The following FH variants were observed in gnomAD, a reference collection of about 807,000 sequenced individuals.
The protein encoded by FH is fumarate hydratase, mitochondrial.
Under a neutral mutation model 49.4 loss-of-function variants are expected in FH, and 22 were observed. That is an observed-to-expected ratio of 0.45 (90% CI 0.32 to 0.64). The LOEUF (loss-of-function observed/expected upper bound fraction) is 0.64, where lower values mean the gene tolerates loss of function less well. Ranked by LOEUF, FH falls within the 30% of genes least tolerant of loss-of-function variation. The pLI is 0.05. For synonymous variants in FH, 208 were observed against 223.0 expected, an observed-to-expected ratio of 0.93 and a Z score of 0.60; for missense variants, 526 against 641.5, an observed-to-expected ratio of 0.82 and a Z score of 1.95.
chr1:241,517,425 A>T (rs1270723856), intron 1 of FH, 109 bp from the exon 2 acceptor site: 2 of 1,203,738 alleles, frequency 1.7e-6, no homozygotes, highest in Non-Finnish European at 2.4e-6. Context: ...AGTATCACAA[A>T]GACAAAAAAA....
At chr1:241,517,344 A>G in intron 1 of FH, 28 bp from the exon 2 acceptor site, 2 of 1,613,234 alleles carry the variant, frequency 1.2e-6, no homozygotes, top group Non-Finnish European at 1.7e-6. Context: ...ACACTATTAC[A>G]AGTTGAAAAG....
intron 7 of FH, among the ~76,000 whole-genome samples, 172 bp from the exon 8 acceptor site, chr1:241,502,742 A>G (rs1287731238): frequency 6.6e-6 from 1 of 152,256 alleles, no homozygotes; most frequent in African/African-American, 2.4e-5. Flanking sequence ...GGTAGCCACA[A>G]AATGAATCAT....
chr1:241,517,230 C>T lies in FH; in HGVS notation c.219G>A (p.Val73=), dbSNP rs1213056420. ...CAATCTTAAAGTTCATCGTAGATCT[C>T]ACGGTCTGGGCGCCATAATACTTAT... is the stretch of plus-strand genomic sequence containing the variant. ...PNDKYYGAQT[V]RSTMNFKIGG... The change falls in exon 2 of 10, where the codon GTG becomes GTA. Residue 73 remains valine, a synonymous_variant. Coordinates refer to ENST00000366560, the MANE Select transcript of FH (RefSeq NM_000143.4). 3.7e-6 allele frequency: 6 copies of T among 1,614,030 alleles called. No homozygotes were observed. In the East Asian group the frequency reaches 6.7e-5, roughly 18 times the overall value.
chr1:241,519,310 G>C, intron 1 of FH: 2 of 391,122 alleles, frequency 5.1e-6, no homozygotes, highest in Non-Finnish European at 9.1e-6. Context: ...GGCCCGCCAC[G>C]GACGGCTCCG....
chr1:241,513,542 C>T (rs1053605222), intron 3 of FH, 61 bp downstream of exon 3: 6 of 1,200,542 alleles, frequency 5.0e-6, no homozygotes, highest in African/African-American at 1.5e-5. Flanking sequence ...CAGAGCATAT[C>T]GTCATCCAGA....
rs10926500 is a variant in FH at position 241,513,458 on chromosome 1, C to T, written c.378+145G>A. Reference sequence around the variant, plus strand: ...CGTTTTAAGCACCATATTAATATCACCACTAAAAATAATGCTACCACCCTC... The same window carrying T: ...CGTTTTAAGCACCATATTAATATCATCACTAAAAATAATGCTACCACCCTC... On this transcript the variant is annotated intron_variant, in intron 3 of 9. Transcript: ENST00000366560. 0.38 allele frequency: 279,274 copies of T among 728,538 alleles called. 54,135 individuals are homozygous for T. The highest frequency in any genetic ancestry group is 0.43 in the African/African-American group (25,057 of 57,696). 45.1% of individuals were successfully genotyped at this position (728,538 alleles called of 1,614,324 possible).
intron 8 of FH, among the ~76,000 whole-genome samples, chr1:241,502,025 T>A (rs1420784308): frequency 6.6e-6 from 1 of 152,200 alleles, no homozygotes; most frequent in African/African-American, 2.4e-5. Context: ...AAGAACTAAC[T>A]GCGCAATGCC....
chr1:241,511,835 A>T, intron 4 of FH, 132 bp downstream of exon 4: 1 of 851,558 alleles, frequency 1.2e-6, no homozygotes, highest in Non-Finnish European at 1.9e-6. Flanking sequence ...TTCAAGAAAT[A>T]AGAACCATAA....
chr1:241,519,049 T>A (rs907078738), intron 1 of FH: 1 of 152,726 alleles, frequency 6.5e-6, no homozygotes, highest in African/African-American at 2.4e-5. Flanking sequence ...TCGAAGAACC[T>A]TCTACCCCAC....
At chr1:241,502,701 A>T in intron 7 of FH, 131 bp from the exon 8 acceptor site, 1 of 1,149,566 alleles carries the variant, frequency 8.7e-7, no homozygotes, top group Non-Finnish European at 1.3e-6. Context: ...GTGTAATTTA[A>T]TGAAACAAAC....
chr1:241,510,965 C>T (rs1024241900), intron 4 of FH, among the ~76,000 whole-genome samples: 2 of 152,072 alleles, frequency 1.3e-5, no homozygotes, highest in Admixed American at 6.6e-5. Context: ...GAGAAGGGCC[C>T]TTTATTTCTG....
At position 241,504,200 on chromosome 1, in the gene FH, G is replaced by A. The variant is rs2147916281; in HGVS notation, c.950C>T (p.Ala317Val). Residue 317 changes from alanine (A) to valine (V), a missense_variant, in exon 7 of 10, where the codon GCT (alanine) becomes GTT (valine). Ala to Val is a moderately conservative substitution (Grantham distance 64, BLOSUM62 0). This residue lies in a region of FH where 383 missense variants were observed against 514.0 expected (regional missense o/e 0.75). Coordinates refer to ENST00000366560, the MANE Select transcript of FH (RefSeq NM_000143.4). The stretch of plus-strand genomic sequence containing the variant: ...ACTGAGCTCAACCAGAGCGTCATGA[G>A]CAGCCAGAGCTTCAAATTTATTCGG... ...TAPNKFEALA[A>V]HDALVELSGA... 6.2e-7 allele frequency: 1 copy of A among 1,614,188 alleles called. No individual in the cohort carries two copies. Among genetic ancestry groups the A allele is most frequent in the Non-Finnish European group, 8.5e-7 (1 of 1,180,026 alleles).
At chr1:241,502,694 T>C (rs572386881) in intron 7 of FH, 124 bp from the exon 8 acceptor site, 1 of 1,194,736 alleles carries the variant, frequency 8.4e-7, no homozygotes, top group Admixed American at 1.9e-5. Flanking sequence ...ACCATCAGTG[T>C]AATTTAATGA....
At chr1:241,501,144 T>C (rs974536782) in intron 8 of FH, among the ~76,000 whole-genome samples, 4 of 152,162 alleles carry the variant, frequency 2.6e-5, no homozygotes, top group African/African-American at 9.7e-5. Context: ...TTTCATATAA[T>C]ATTAAAAAAC....
intron 3 of FH, 134 bp downstream of exon 3, chr1:241,513,469 A>G (rs1052119562): frequency 1.3e-6 from 1 of 774,604 alleles, no homozygotes; most frequent in African/African-American, 1.7e-5. Flanking sequence ...CACTAAAAAT[A>G]ATGCTACCAC....
In FH at chr1:241,497,764, A is replaced by T; in HGVS notation, c.*64T>A. 7.0e-7 allele frequency: 1 copy of T among 1,437,250 alleles called. No homozygotes were observed. Among genetic ancestry groups the T allele is most frequent in the Non-Finnish European group, 9.5e-7 (1 of 1,052,182 alleles). 89.0% of individuals were successfully genotyped at this position (1,437,250 alleles called of 1,614,324 possible). A position where few individuals can be genotyped will look rare whatever the true frequency, so the allele number is the denominator to read the frequency against. On this transcript the variant is annotated 3_prime_UTR_variant, in exon 10 of 10. Coordinates refer to ENST00000366560, the MANE Select transcript of FH (RefSeq NM_000143.4). The stretch of plus-strand genomic sequence containing the variant: ...TTTCCTTTCAAACTTATCCGTTTTT[A>T]AGAAATGGGAGTCTGTTTTTTTAAA...
intron 5 of FH, among the ~76,000 whole-genome samples, chr1:241,507,945 ATG>A (rs1659970746): frequency 6.6e-6 from 1 of 152,158 alleles, no homozygotes; most frequent in South Asian, 2.1e-4. Flanking sequence ...TTCCTTCACA[ATG>A]TATACTATTA....
chr1:241,516,171 A>T (rs1660205720), intron 2 of FH, among the ~76,000 whole-genome samples: 2 of 152,230 alleles, frequency 1.3e-5, no homozygotes, highest in Admixed American at 6.5e-5. Flanking sequence ...AAATCTGTAA[A>T]TACCCAGCAA....
rs199822819 is a variant in FH at position 241,512,001 on chromosome 1, G to C, written c.521C>G (p.Pro174Arg). 234 of 1,613,826 alleles carry C rather than the reference G, an allele frequency of 1.4e-4. No individual in the cohort carries two copies. Among genetic ancestry groups the C allele is most frequent in the Non-Finnish European group, 1.9e-4 (230 of 1,179,928 alleles). The change falls in exon 4 of 10, where the codon CCT (proline) becomes CGT (arginine). Residue 174 changes from proline to arginine, a missense_variant. Around this residue, in one of 2 missense-constraint regions of FH, gnomAD observed 383 missense variants for 514.0 expected, o/e 0.75. Coordinates refer to ENST00000366560, the MANE Select transcript of FH (RefSeq NM_000143.4). ...ATTAACATGATCGTTGGGATGCACA[G>C]GTATCTTGCTGCCAAGTTCACCTCC... ...MLGGELGSKIPVHPNDHVNKS... is the reference protein window; with the variant it reads ...MLGGELGSKIRVHPNDHVNKS...
Sources: allele counts gnomAD v4.1 joint callset (sites outside exome capture counted in the v4.1 genomes callset), GRCh38; gene constraint gnomAD v4.1.1; regional missense constraint gnomAD v4.1.1; transcripts MANE v1.5; gene names NCBI Gene and HGNC (gene_info 2026-07-23, HGNC 2026-07-21).